The following GRIK4 variants were observed in gnomAD, a reference collection of about 807,000 sequenced individuals.
GRIK4 encodes the protein glutamate ionotropic receptor kainate type subunit 4, also known as glutamate receptor ionotropic, kainate 4.
A neutral mutation model predicts 104.9 loss-of-function variants in GRIK4; 40 were observed. That is an observed-to-expected ratio of 0.38 (90% confidence interval 0.30 to 0.50). The LOEUF is 0.50. Among genes scored for constraint, GRIK4 ranks in the 20% least tolerant of loss-of-function variants. The pLI is 0.93. For synonymous variants in GRIK4, 485 were observed against 524.9 expected (o/e 0.92, Z 1.04); for missense variants, 1,047 against 1,308.1 (o/e 0.80, Z 3.08).
intron 3 of GRIK4, among the ~76,000 whole-genome samples, chr11:120,711,055 C>T (rs1950726644): frequency 6.7e-6 from 1 of 149,162 alleles, no homozygotes; most frequent in Non-Finnish European, 1.5e-5. Flanking sequence ...TCAGGGTGGG[C>T]CATGCAGGGT....
In GRIK4 at chr11:120,584,325, T is replaced by C. The variant is rs775215912; in HGVS notation, c.-158-69360T>C. 3.3e-5 allele frequency among the ~76,000 whole-genome samples: 5 copies of C among 152,336 alleles called. No homozygotes were observed. In the East Asian group the frequency reaches 7.7e-4, roughly 23 times the overall value. Reference sequence around the variant, plus strand: ...TCTTGCATTGCTATAAAGAAATACCTGAGACTGGTAATTTATAAATAAAAT... The same window carrying C: ...TCTTGCATTGCTATAAAGAAATACCCGAGACTGGTAATTTATAAATAAAAT... On this transcript the variant is annotated intron_variant, in intron 1 of 20. Transcript: ENST00000527524.
intron 14 of GRIK4, among the ~76,000 whole-genome samples, chr11:120,947,421 A>G (rs1229411772): frequency 6.6e-6 from 1 of 150,650 alleles, no homozygotes; most frequent in East Asian, 2.0e-4. Flanking sequence ...AAAAAAAGTG[A>G]TGGAGAAATA....
chr11:120,928,472 G>A (rs896200796), intron 13 of GRIK4, among the ~76,000 whole-genome samples: 15 of 152,124 alleles, frequency 9.9e-5, no homozygotes, highest in Non-Finnish European at 1.0e-4. Flanking sequence ...TGGCAGAGTC[G>A]GGATTCAAAC....
At chr11:120,584,877 A>T (rs1359029344) in intron 1 of GRIK4, among the ~76,000 whole-genome samples, 1 of 152,120 alleles carries the variant, frequency 6.6e-6, no homozygotes, top group Non-Finnish European at 1.5e-5. Context: ...ATTGATTTGA[A>T]CCAACCTTGC....
At chr11:120,817,504 A>G (rs1267844161) in intron 5 of GRIK4, among the ~76,000 whole-genome samples, 1 of 151,710 alleles carries the variant, frequency 6.6e-6, no homozygotes, top group Non-Finnish European at 1.5e-5. Context: ...GGGAAAAGCA[A>G]TGGAGTTCTC....
chr11:120,890,328 G>T (rs1169905503), intron 11 of GRIK4, among the ~76,000 whole-genome samples: 5 of 152,120 alleles, frequency 3.3e-5, no homozygotes, highest in African/African-American at 1.2e-4. Context: ...AAAAAATGTG[G>T]GTCCTCTTGT....
At chr11:120,709,904 T>C (rs1950695700) in intron 3 of GRIK4, among the ~76,000 whole-genome samples, 1 of 152,226 alleles carries the variant, frequency 6.6e-6, no homozygotes. Flanking sequence ...TGTCTGTATT[T>C]TCCCACCTGC....
chr11:120,678,463 C>T (rs183388324), intron 3 of GRIK4, among the ~76,000 whole-genome samples: 7 of 152,166 alleles, frequency 4.6e-5, no homozygotes, highest in Non-Finnish European at 8.8e-5. Context: ...ATTACTTATG[C>T]GGCTAATAGC....
At chr11:120,857,561 A>G (rs538456726) in intron 8 of GRIK4, among the ~76,000 whole-genome samples, 4 of 152,212 alleles carry the variant, frequency 2.6e-5, no homozygotes, top group Non-Finnish European at 5.9e-5. Flanking sequence ...GTGAAAGCCC[A>G]GTGATGATAA....
In GRIK4 at chr11:120,836,844, G is replaced by T. The variant is rs1432696319; in HGVS notation, c.744G>T (p.Leu248=). ...SAYYTYIFTN[L]EFSLQRMDSL... ...ATTACACATACATCTTCACTAATCT[G>T]GTAAGATGTTCTCACAGCTCACCTC... The change falls in exon 8 of 21, where the codon CTG becomes CTT. Residue 248 remains leucine, a splice_region_variant and synonymous_variant. Coordinates refer to ENST00000527524, the MANE Select transcript of GRIK4 (RefSeq NM_014619.5). The T allele has an allele frequency of 6.4e-7, 1 of 1,574,446 alleles. No homozygotes were observed. Among genetic ancestry groups the T allele is most frequent in the Admixed American group, 1.7e-5 (1 of 59,978 alleles).
intron 3 of GRIK4, among the ~76,000 whole-genome samples, chr11:120,688,324 G>A (rs1285141423): frequency 1.3e-5 from 2 of 152,166 alleles, no homozygotes; most frequent in East Asian, 1.9e-4. Flanking sequence ...ACCCTACCCC[G>A]AAGAGGAAGT....
intron 1 of GRIK4, among the ~76,000 whole-genome samples, chr11:120,597,034 GT>G (rs1043760275): frequency 1.3e-5 from 2 of 152,184 alleles, no homozygotes; most frequent in African/African-American, 4.8e-5. Context: ...TGAGATTTGT[GT>G]TCCATCCAGT....
intron 3 of GRIK4, among the ~76,000 whole-genome samples, chr11:120,724,193 G>A (rs1950987051): frequency 6.6e-6 from 1 of 152,138 alleles, no homozygotes; most frequent in African/African-American, 2.4e-5. Context: ...CTATTGCCCA[G>A]GCTGGAGTGC....
chr11:120,895,980 G>C (rs1420033320), intron 11 of GRIK4, among the ~76,000 whole-genome samples: 1 of 152,186 alleles, frequency 6.6e-6, no homozygotes, highest in African/African-American at 2.4e-5. Flanking sequence ...AAGGCCAGAG[G>C]AGGGCTCGGA....
At chr11:120,703,632 A>G (rs1460130843) in intron 3 of GRIK4, among the ~76,000 whole-genome samples, 7 of 151,874 alleles carry the variant, frequency 4.6e-5, no homozygotes, top group Admixed American at 2.0e-4. Context: ...CCGTCTGTCA[A>G]TTTCCTTCAT....
chr11:120,629,294 G>C (rs1187771464), intron 1 of GRIK4, among the ~76,000 whole-genome samples: 1 of 152,166 alleles, frequency 6.6e-6, no homozygotes, highest in African/African-American at 2.4e-5. Context: ...TCCTATGTGA[G>C]CTTCAGTTTC....
intron 1 of GRIK4, among the ~76,000 whole-genome samples, chr11:120,523,157 A>G (rs2136075195): frequency 6.7e-6 from 1 of 148,858 alleles, no homozygotes; most frequent in Middle Eastern, 3.4e-3. Context: ...AGAGTAGGCA[A>G]CTAGATGGAG....
intron 3 of GRIK4, among the ~76,000 whole-genome samples, chr11:120,769,066 C>T (rs924499386): frequency 2.9e-4 from 44 of 152,086 alleles, no homozygotes; most frequent in African/African-American, 9.7e-4. Context: ...TGTATTTGGA[C>T]GTATTCCCTC....
intron 1 of GRIK4, among the ~76,000 whole-genome samples, chr11:120,551,073 G>A (rs757660887): frequency 6.6e-5 from 10 of 152,104 alleles, no homozygotes; most frequent in South Asian, 2.1e-4. Context: ...TGGGATTCAC[G>A]AGACGAATGG....
Sources: gnomAD v4.1 joint callset for allele counts (sites outside exome capture counted in the v4.1 genomes callset) on GRCh38, gnomAD v4.1.1 for gene constraint, MANE v1.5 for transcripts, NCBI Gene and HGNC (gene_info 2026-07-23, HGNC 2026-07-21) for gene names.